Variants in LINGO2 observed in about 807,000 individuals in gnomAD.
LINGO2 encodes leucine rich repeat and Ig domain containing 2, also known as leucine-rich repeat and immunoglobulin-like domain-containing nogo receptor-interacting protein 2.
A neutral mutation model predicts 30.6 loss-of-function variants in LINGO2; 14 were observed. The observed-to-expected ratio is 0.46, with a 90% CI of 0.30 to 0.72. The LOEUF is 0.72. LINGO2 is among the 30% of genes least tolerant of loss of function. LINGO2 has a pLI of 0.07. For synonymous variants in LINGO2, 317 were observed against 288.5 expected (o/e 1.10, Z -1.00); for missense variants, 729 against 751.7 (o/e 0.97, Z 0.35).
the LINGO2 span, among the ~76,000 whole-genome samples, chr9:28,876,113 AG>A: frequency 6.6e-6 from 1 of 152,134 alleles, no homozygotes; most frequent in South Asian, 2.1e-4. Flanking sequence ...GGCAGTAGTC[AG>A]TGGCATTGCT....
chr9:28,388,529 T>C (rs1821692903), intron 2 of LINGO2, among the ~76,000 whole-genome samples: 1 of 152,212 alleles, frequency 6.6e-6, no homozygotes, highest in South Asian at 2.1e-4. Flanking sequence ...ATTTGAAACA[T>C]GGACTTTTCC....
At chr9:28,295,036 C>T (rs1431577468) in intron 4 of LINGO2, among the ~76,000 whole-genome samples, 172 bp downstream of exon 6, 1 of 152,126 alleles carries the variant, frequency 6.6e-6, no homozygotes, top group Non-Finnish European at 1.5e-5. Context: ...TAAAGGGACT[C>T]AATTATTACT....
At chr9:28,508,835 A>C (rs1820256389) in intron 1 of LINGO2, among the ~76,000 whole-genome samples, 1 of 152,110 alleles carries the variant, frequency 6.6e-6, no homozygotes, top group African/African-American at 2.4e-5. Flanking sequence ...TTGATGATTT[A>C]CTACACATAT....
chr9:29,069,801 A>G, the LINGO2 span, among the ~76,000 whole-genome samples: 4 of 152,038 alleles, frequency 2.6e-5, no homozygotes, highest in Non-Finnish European at 5.9e-5. Flanking sequence ...ATTCTCTCCA[A>G]AGTTATTTTC....
the LINGO2 span, among the ~76,000 whole-genome samples, chr9:28,734,571 A>T: frequency 6.6e-6 from 1 of 152,154 alleles, no homozygotes; most frequent in African/African-American, 2.4e-5. Context: ...TACAGCTGCT[A>T]AATGGTAGAT....
intron 2 of LINGO2, among the ~76,000 whole-genome samples, chr9:28,427,698 A>C (rs1823469158): frequency 6.6e-6 from 1 of 152,128 alleles, no homozygotes. Flanking sequence ...CATTAGTCTA[A>C]ATCAGCCCTC....
chr9:28,364,376 G>C (rs552891820), intron 3 of LINGO2, among the ~76,000 whole-genome samples: 1 of 150,936 alleles, frequency 6.6e-6, no homozygotes, highest in Non-Finnish European at 1.5e-5. Flanking sequence ...TTTCTAACAC[G>C]GATACAAGGT....
At chr9:28,496,283 G>A (rs942086731) in intron 1 of LINGO2, among the ~76,000 whole-genome samples, 4 of 152,064 alleles carry the variant, frequency 2.6e-5, no homozygotes, top group Non-Finnish European at 4.4e-5. Flanking sequence ...CGTTATTATT[G>A]TGTGGGAGTC....
At chr9:28,727,326 C>G in the LINGO2 span, among the ~76,000 whole-genome samples, 2 of 151,992 alleles carry the variant, frequency 1.3e-5, no homozygotes, top group South Asian at 4.2e-4. Flanking sequence ...CACTCTGTCT[C>G]CCAGGCTGGA....
At chr9:28,794,836 C>CTT in the LINGO2 span, among the ~76,000 whole-genome samples, 102 of 145,196 alleles carry the variant, frequency 7.0e-4, no homozygotes, top group African/African-American at 2.5e-3. Flanking sequence ...TTTTTTCTTT[C>CTT]TTTTTTTTTT....
At chr9:28,312,729 T>C (rs1824680162) in intron 3 of LINGO2, among the ~76,000 whole-genome samples, 1 of 152,198 alleles carries the variant, frequency 6.6e-6, no homozygotes, top group Admixed American at 6.5e-5. Flanking sequence ...TTTATTAGCA[T>C]ATGCCAACAT....
intron 5 of LINGO2, among the ~76,000 whole-genome samples, chr9:28,003,988 A>C (rs1007992365): frequency 5.3e-5 from 8 of 152,208 alleles, no homozygotes; most frequent in Admixed American, 3.3e-4. Context: ...ATTTGAAAAA[A>C]GAGTGAATTT....
At chr9:28,791,994 A>T in the LINGO2 span, among the ~76,000 whole-genome samples, 1 of 151,526 alleles carries the variant, frequency 6.6e-6, no homozygotes, top group Admixed American at 6.6e-5. Context: ...ACTTGTGTAT[A>T]CAGTGGTATA....
chr9:28,411,650 T>G (rs1929809), intron 2 of LINGO2, among the ~76,000 whole-genome samples: 70,163 of 151,888 alleles, frequency 0.46, 16,479 homozygotes, highest in Admixed American at 0.5. Context: ...TGCCACATTT[T>G]GCTTATCCAT....
intron 5 of LINGO2, among the ~76,000 whole-genome samples, chr9:27,964,833 G>T (rs1019842481): frequency 6.6e-6 from 1 of 152,026 alleles, no homozygotes; most frequent in Non-Finnish European, 1.5e-5. Context: ...GGCTTGTTGA[G>T]TAGTTATTCC....
At chr9:28,610,375 G>A (rs914732580) in intron 1 of LINGO2, among the ~76,000 whole-genome samples, 3 of 152,042 alleles carry the variant, frequency 2.0e-5, no homozygotes, top group Non-Finnish European at 2.9e-5. Context: ...ATTATCATGG[G>A]CACATATTTC....
In LINGO2 at chr9:28,351,509, T is replaced by C. The variant is rs1388509877; in HGVS notation, c.-246+21327A>G. ...GAGCTGAAATTGTGGCAATAATCAATAGCTTACCAACCAAAAAGAGTCCAG... is the reference window on the plus strand; with the variant it reads ...GAGCTGAAATTGTGGCAATAATCAACAGCTTACCAACCAAAAAGAGTCCAG... On this transcript the variant is annotated intron_variant, in intron 3 of 5. Transcript: ENST00000379992. Among the ~76,000 whole-genome samples the C allele has an allele frequency of 2.0e-4, 30 of 150,494 alleles. No homozygotes were observed. The East Asian group carries it at 3.5e-3, about 18-fold the overall frequency.
intron 5 of LINGO2, among the ~76,000 whole-genome samples, chr9:27,982,658 A>C (rs548084745): frequency 5.3e-5 from 8 of 151,994 alleles, no homozygotes; most frequent in Non-Finnish European, 1.2e-4. Flanking sequence ...TGTGATGTTA[A>C]AACTGAGTAA....
intron 1 of LINGO2, among the ~76,000 whole-genome samples, chr9:28,599,663 C>T (rs1825379404): frequency 6.6e-6 from 1 of 151,926 alleles, no homozygotes. Flanking sequence ...TAATGTCTTC[C>T]CATTTTAACT....
Sources: allele counts gnomAD v4.1 joint callset (sites outside exome capture counted in the v4.1 genomes callset), GRCh38; gene constraint gnomAD v4.1.1; transcripts MANE v1.5; gene names NCBI Gene and HGNC (gene_info 2026-07-23, HGNC 2026-07-21).